Variants in DIAPH2 observed in about 807,000 individuals in gnomAD.
The protein encoded by DIAPH2 is diaphanous related formin 2.
In DIAPH2, 35 loss-of-function variants were observed where a neutral mutation model predicts 92.7. That is an observed-to-expected ratio of 0.38 (90% CI 0.29 to 0.50). The LOEUF is 0.50. Ranked by LOEUF, DIAPH2 falls within the 20% of genes least tolerant of loss-of-function variation. The pLI, the probability that DIAPH2 is intolerant of heterozygous loss-of-function variation, is 0.94. For missense variants in DIAPH2, 701 were observed against 819.5 expected (o/e 0.86, Z 1.77); for synonymous variants, 301 against 280.4 (o/e 1.07, Z -0.73).
chrX:97,294,790 G>A (rs767610814), intron 23 of DIAPH2, among the ~76,000 whole-genome samples: 18 of 111,478 alleles, frequency 1.6e-4, no homozygotes, highest in Non-Finnish European at 2.8e-4. Context: ...TAATATTTAC[G>A]GAGTTCCAGG....
intron 23 of DIAPH2, among the ~76,000 whole-genome samples, chrX:97,315,681 A>T (rs868068321): frequency 9.5e-5 from 9 of 94,513 alleles, no homozygotes; most frequent in African/African-American, 3.1e-4. Context: ...TTTTTTTTTT[A>T]AACCACAGCT....
chrX:96,889,246 A>T (rs1023693788), intron 5 of DIAPH2, among the ~76,000 whole-genome samples: 24 of 111,499 alleles, frequency 2.2e-4, no homozygotes, highest in African/African-American at 7.5e-4. Flanking sequence ...CTGAAATTCT[A>T]CATTTTCTCT....
At position 96,685,054 on chromosome X, in the gene DIAPH2, G is replaced by GA; in HGVS notation, c.-2dup. 4 of 999,073 alleles carry GA rather than the reference G, an allele frequency of 4.0e-6. No homozygotes were observed. Among genetic ancestry groups the GA allele is most frequent in the Non-Finnish European group, 5.1e-6 (4 of 786,061 alleles). 82.3% of individuals were successfully genotyped at this position (999,073 alleles called of 1,213,427 possible). A position where few individuals can be genotyped will look rare whatever the true frequency, so the allele number is the denominator to read the frequency against. On this transcript the variant is annotated 5_prime_UTR_variant, in exon 1 of 27. Transcript: ENST00000324765. ...ACAGGGCACAGGTGACAGGGCCGGAGAAAGATGGAGCAGCCCGGGGCGGCG... is the reference window on the plus strand; with the variant it reads ...ACAGGGCACAGGTGACAGGGCCGGAGAAAAGATGGAGCAGCCCGGGGCGGCG...
chrX:97,260,145 C>T (rs1342814383), intron 23 of DIAPH2, among the ~76,000 whole-genome samples: 1 of 112,624 alleles, frequency 8.9e-6, no homozygotes, highest in Non-Finnish European at 1.9e-5. Flanking sequence ...TTAAGTCTTG[C>T]ACCTACTTGA....
intron 25 of DIAPH2, among the ~76,000 whole-genome samples, chrX:97,403,966 G>A (rs1017353251): frequency 3.7e-5 from 4 of 108,688 alleles, no homozygotes; most frequent in Non-Finnish European, 7.6e-5. Context: ...CGATTCTCCT[G>A]TCTTAGCCTC....
intron 22 of DIAPH2, among the ~76,000 whole-genome samples, chrX:97,194,884 A>G (rs1705996432): frequency 8.9e-6 from 1 of 112,405 alleles, no homozygotes; most frequent in African/African-American, 3.2e-5. Context: ...ACCTTCCTCA[A>G]GGATGGATTT....
rs2071575989 is a variant in DIAPH2 at position 97,599,238 on chromosome X, CTGTT to C, written c.3242-11_3242-8del. 5.1e-6 allele frequency: 6 copies of C among 1,167,358 alleles called. No homozygotes were observed. Among genetic ancestry groups the C allele is most frequent in the Middle Eastern group, 2.4e-4 (1 of 4,231 alleles). ...ACTTACCATGCTTTTGGTCCTTTTT[CTGTT>C]TGTCTTACAGATAACAGACGAGTAC... On this transcript the variant is annotated splice_polypyrimidine_tract_variant and intron_variant, in intron 26 of 26. Coordinates refer to ENST00000324765, the MANE Select transcript of DIAPH2 (RefSeq NM_006729.5).
chrX:97,149,599 C>T lies in DIAPH2; in HGVS notation c.2719+7805C>T, dbSNP rs191416755. ...ACAAAAAAGTAGCCAGGCGTGGTCG[C>T]GGGCACCTGTAGTCCCAGCTACTCA... On this transcript the variant is annotated intron_variant, in intron 22 of 26. Transcript: ENST00000324765. 1.9e-4 allele frequency among the ~76,000 whole-genome samples: 21 copies of T among 108,183 alleles called. No homozygotes were observed. In the East Asian group the frequency reaches 6.1e-3, roughly 31 times the overall value. 93.9% of individuals were successfully genotyped at this position (108,183 alleles called of 115,157 possible).
intron 23 of DIAPH2, among the ~76,000 whole-genome samples, chrX:97,339,335 T>C (rs1415439308): frequency 9.1e-6 from 1 of 110,033 alleles, no homozygotes; most frequent in Non-Finnish European, 1.9e-5. Context: ...ACCAACATGA[T>C]GAAACCCCAT....
intron 26 of DIAPH2, among the ~76,000 whole-genome samples, chrX:97,444,295 A>T (rs868617845): frequency 2.9e-5 from 3 of 103,331 alleles, no homozygotes; most frequent in Admixed American, 1.1e-4. Flanking sequence ...ATGAACAGGA[A>T]TTTTTTTTTT....
At chrX:97,019,336 T>A (rs2147870040) in intron 17 of DIAPH2, among the ~76,000 whole-genome samples, 1 of 111,453 alleles carries the variant, frequency 9.0e-6, no homozygotes, top group Non-Finnish European at 1.9e-5. Context: ...TGTTTTTTGA[T>A]ATCGGATTAA....
At chrX:97,440,744 T>C (rs1400571215) in intron 26 of DIAPH2, among the ~76,000 whole-genome samples, 1 of 109,880 alleles carries the variant, frequency 9.1e-6, no homozygotes, top group Admixed American at 9.8e-5. Flanking sequence ...ATAGCAGAGA[T>C]TACATGGACA....
At chrX:97,061,876 G>A (rs2066601483) in intron 17 of DIAPH2, among the ~76,000 whole-genome samples, 2 of 105,575 alleles carry the variant, frequency 1.9e-5, no homozygotes, top group Admixed American at 2.0e-4. Context: ...TTCAACAGCA[G>A]ATTATTATTA....
intron 25 of DIAPH2, among the ~76,000 whole-genome samples, chrX:97,417,395 CACAT>C (rs1276679182): frequency 9.2e-6 from 1 of 109,132 alleles, no homozygotes; most frequent in Admixed American, 9.7e-5. Context: ...CACACACACA[CACAT>C]ACACACACAC....
At chrX:97,413,206 C>T (rs1262393310) in intron 25 of DIAPH2, among the ~76,000 whole-genome samples, 2 of 111,419 alleles carry the variant, frequency 1.8e-5, no homozygotes, top group Non-Finnish European at 3.8e-5. Context: ...GCTTATCCAT[C>T]ATGATCAAGT....
chrX:97,565,005 A>G (rs890818625), intron 26 of DIAPH2, among the ~76,000 whole-genome samples: 5 of 112,142 alleles, frequency 4.5e-5, no homozygotes, highest in African/African-American at 1.6e-4. Flanking sequence ...AAAGTATTAA[A>G]AGGATTAGTA....
At chrX:97,425,731 C>T (rs775239800) in intron 25 of DIAPH2, among the ~76,000 whole-genome samples, 1 of 104,811 alleles carries the variant, frequency 9.5e-6, no homozygotes, top group South Asian at 4.4e-4. Context: ...CAGTGAGCCT[C>T]GATCACACCA....
intron 24 of DIAPH2, among the ~76,000 whole-genome samples, chrX:97,374,515 A>T (rs1179204325): frequency 1.8e-5 from 2 of 112,017 alleles, no homozygotes; most frequent in East Asian, 5.6e-4. Flanking sequence ...TATTTATAAG[A>T]TCTTTCATAA....
chrX:96,714,342 G>A (rs1223919720), intron 1 of DIAPH2, among the ~76,000 whole-genome samples: 5 of 101,284 alleles, frequency 4.9e-5, no homozygotes, highest in African/African-American at 1.8e-4. Context: ...TCGGCTCACC[G>A]CAACCTACAC....
Sources: gnomAD v4.1 joint callset for allele counts (sites outside exome capture counted in the v4.1 genomes callset) on GRCh38, gnomAD v4.1.1 for gene constraint, MANE v1.5 for transcripts, NCBI Gene and HGNC (gene_info 2026-07-23, HGNC 2026-07-21) for gene names.